The following DCC variants were observed in gnomAD, a reference collection of about 807,000 sequenced individuals.
DCC encodes the protein DCC netrin 1 receptor, also known as netrin receptor DCC.
DCC carries 58 observed loss-of-function variants against 172.5 expected under a neutral mutation model. That is an observed-to-expected ratio of 0.34 (90% CI 0.27 to 0.42). DCC has a LOEUF of 0.42. Ranked by LOEUF, DCC falls within the 10% of genes least tolerant of loss-of-function variation. The probability of loss-of-function intolerance (pLI) is 1.00; values close to 1 mark genes in which losing one functional copy is unlikely to be tolerated. For synonymous variants in DCC, 709 were observed against 644.5 expected (o/e 1.10, Z -1.52); for missense variants, 1,740 against 1,791.0 (o/e 0.97, Z 0.51).
intron 5 of DCC, among the ~76,000 whole-genome samples, chr18:52,949,358 T>C (rs2040598871): frequency 6.6e-6 from 1 of 152,206 alleles, no homozygotes; most frequent in African/African-American, 2.4e-5. Flanking sequence ...GGGCATTTCT[T>C]GGAAATGGGA....
chr18:52,369,665 T>G (rs1427224351), intron 1 of DCC, among the ~76,000 whole-genome samples: 1 of 152,018 alleles, frequency 6.6e-6, no homozygotes, highest in Non-Finnish European at 1.5e-5. Flanking sequence ...CTGAAAGATA[T>G]TATATAAACC....
intron 1 of DCC, among the ~76,000 whole-genome samples, chr18:52,536,841 T>G (rs190150224): frequency 6.6e-6 from 1 of 152,320 alleles, no homozygotes; most frequent in Admixed American, 6.5e-5. Flanking sequence ...TCTGATAAAT[T>G]TTTGCAGAGA....
intron 19 of DCC, among the ~76,000 whole-genome samples, chr18:53,406,003 G>C (rs184405524): frequency 1.3e-5 from 2 of 152,024 alleles, no homozygotes; most frequent in African/African-American, 4.8e-5. Flanking sequence ...ATATGAGAAG[G>C]GACTGAGCAT....
intron 5 of DCC, among the ~76,000 whole-genome samples, chr18:53,008,385 A>T (rs2041676628): frequency 6.6e-6 from 1 of 152,072 alleles, no homozygotes; most frequent in Non-Finnish European, 1.5e-5. Context: ...TGGAAACTGA[A>T]ACTTTTAAAC....
At chr18:53,052,550 G>T (rs2042347481) in intron 5 of DCC, among the ~76,000 whole-genome samples, 1 of 152,044 alleles carries the variant, frequency 6.6e-6, no homozygotes, top group African/African-American at 2.4e-5. Flanking sequence ...AGACTTACTT[G>T]TCATCCTTCT....
At chr18:53,162,298 CAAAAA>C (rs59626358) in intron 8 of DCC, among the ~76,000 whole-genome samples, 1 of 114,780 alleles carries the variant, frequency 8.7e-6, no homozygotes, top group Admixed American at 9.2e-5. Flanking sequence ...GACTCTGCCT[CAAAAA>C]AAAAAAAAAA....
At chr18:52,500,421 G>T (rs1014271072) in intron 1 of DCC, among the ~76,000 whole-genome samples, 1 of 152,184 alleles carries the variant, frequency 6.6e-6, no homozygotes, top group Non-Finnish European at 1.5e-5. Flanking sequence ...GACTTATCAT[G>T]TGTGGAATCA....
chr18:52,387,687 TAAG>T (rs1035362584), intron 1 of DCC, among the ~76,000 whole-genome samples: 8 of 150,876 alleles, frequency 5.3e-5, no homozygotes, highest in African/African-American at 2.0e-4. Flanking sequence ...TGTCTATATT[TAAG>T]AAGAAGAATG....
At chr18:52,907,312 GTATAT>G (rs1369555294) in intron 3 of DCC, among the ~76,000 whole-genome samples, 31 of 140,714 alleles carry the variant, frequency 2.2e-4, no homozygotes, top group African/African-American at 2.6e-5. Context: ...ATATACATAT[GTATAT>G]GTATATATCC....
intron 7 of DCC, among the ~76,000 whole-genome samples, chr18:53,132,085 C>A (rs906537957): frequency 6.8e-6 from 1 of 146,568 alleles, no homozygotes; most frequent in Non-Finnish European, 1.5e-5. Context: ...GAAAGTGTGT[C>A]TTCTCGCTTT....
intron 2 of DCC, among the ~76,000 whole-genome samples, chr18:52,878,289 A>G (rs2039431696): frequency 6.6e-6 from 1 of 152,132 alleles, no homozygotes; most frequent in Non-Finnish European, 1.5e-5. Context: ...AAGAAACCCT[A>G]CTTTATTTCC....
intron 1 of DCC, among the ~76,000 whole-genome samples, chr18:52,718,207 A>G (rs1355601135): frequency 1.5e-5 from 2 of 132,052 alleles, no homozygotes; most frequent in Non-Finnish European, 1.6e-5. Flanking sequence ...GAAGACATTT[A>G]TCAGAAAGTA....
intron 5 of DCC, among the ~76,000 whole-genome samples, chr18:52,980,083 C>T (rs574399168): frequency 1.3e-3 from 202 of 152,270 alleles, no homozygotes; most frequent in Non-Finnish European, 2.1e-3. Flanking sequence ...CCCCAACTGT[C>T]TGCCTTACAG....
chr18:52,907,202 C>G lies in DCC; in HGVS notation c.697+874C>G, dbSNP rs28670384. Among the ~76,000 whole-genome samples, 11 of 135,020 alleles carry G rather than the reference C, an allele frequency of 8.1e-5. No individual in the cohort carries two copies. In the East Asian group the frequency reaches 2.3e-3, roughly 28 times the overall value. The allele number at this position is 135,020 out of a possible 152,430, so 88.6% of individuals were successfully genotyped here. On this transcript the variant is annotated intron_variant, in intron 3 of 28. Transcript: ENST00000442544. ...ACATGATATGTATTATATATATACC[C>G]TATATACATGATATATATCATATAT... is the stretch of plus-strand genomic sequence containing the variant.
At chr18:53,176,142 T>G (rs1323503131) in intron 8 of DCC, among the ~76,000 whole-genome samples, 4 of 136,912 alleles carry the variant, frequency 2.9e-5, no homozygotes, top group Admixed American at 7.6e-5. Context: ...AAGCTGAAAC[T>G]GGATCCCTTC....
At chr18:53,045,008 GAAAC>G (rs142536080) in intron 5 of DCC, among the ~76,000 whole-genome samples, 156 of 151,886 alleles carry the variant, frequency 1.0e-3, no homozygotes, top group African/African-American at 3.4e-3. Flanking sequence ...TGTATATACA[GAAAC>G]AAACAAGGTA....
chr18:53,456,250 A>T (rs2045481243), intron 23 of DCC, among the ~76,000 whole-genome samples: 1 of 152,226 alleles, frequency 6.6e-6, no homozygotes, highest in Admixed American at 6.5e-5. Flanking sequence ...TGTGGGCAGA[A>T]ATTAAATAAG....
chr18:52,783,071 C>T (rs2037578117), intron 2 of DCC, among the ~76,000 whole-genome samples: 1 of 151,968 alleles, frequency 6.6e-6, no homozygotes, highest in Non-Finnish European at 1.5e-5. Flanking sequence ...ATGTGTATGT[C>T]ATAATGAAAA....
intron 7 of DCC, among the ~76,000 whole-genome samples, chr18:53,068,676 CT>C (rs912183936): frequency 2.0e-5 from 3 of 151,732 alleles, no homozygotes; most frequent in African/African-American, 7.3e-5. Flanking sequence ...AGGGAGGATT[CT>C]TTGAAGTGCT....
Sources: allele counts gnomAD v4.1 joint callset (sites outside exome capture counted in the v4.1 genomes callset), GRCh38; gene constraint gnomAD v4.1.1; transcripts MANE v1.5; gene names NCBI Gene and HGNC (gene_info 2026-07-23, HGNC 2026-07-21).